Variants in DHX35 observed in about 807,000 individuals in gnomAD.
DHX35 encodes probable ATP-dependent RNA helicase DHX35.
DHX35 carries 84 observed loss-of-function variants against 99.6 expected under a neutral mutation model. The observed-to-expected ratio is 0.84, with a 90% CI of 0.71 to 1.01. The LOEUF is 1.01. Among genes scored for constraint, DHX35 ranks in the 50% least tolerant of loss-of-function variants. The probability of loss-of-function intolerance (pLI) is 0.00; values close to 1 mark genes in which losing one functional copy is unlikely to be tolerated. For synonymous variants in DHX35, 331 were observed against 316.2 expected (o/e 1.05, Z -0.50); for missense variants, 852 against 888.5 (o/e 0.96, Z 0.52).
rs565031268 is a variant in DHX35, at chr20:38,992,097, T to C, written c.513-259T>C. Among the ~76,000 whole-genome samples, 320 of 152,044 alleles carry C rather than the reference T, an allele frequency of 2.1e-3. 1 individual carries two copies. The highest frequency in any genetic ancestry group is 7.4e-3 in the African/African-American group (308 of 41,478). ...TTATGTTTTCATTTAAAATCAGATA[T>C]TAAATTCTGTTGGAATTCAGTGTGG... On this transcript the variant is annotated intron_variant, in intron 6 of 21. Transcript: ENST00000252011.
chr20:39,018,232 C>A (rs897020096), intron 14 of DHX35, among the ~76,000 whole-genome samples: 1 of 152,102 alleles, frequency 6.6e-6, no homozygotes, highest in African/African-American at 2.4e-5. Context: ...CACGGGATGC[C>A]ATCGATACCA....
intron 4 of DHX35, among the ~76,000 whole-genome samples, chr20:38,987,031 G>A (rs774588473): frequency 2.7e-4 from 41 of 152,186 alleles, no homozygotes; most frequent in Non-Finnish European, 5.3e-4. Context: ...TCTGTCTCAG[G>A]ACACCACATG....
intron 8 of DHX35, among the ~76,000 whole-genome samples, chr20:38,999,765 C>T (rs1437449998): frequency 5.3e-5 from 8 of 152,188 alleles, no homozygotes; most frequent in Admixed American, 2.0e-4. Context: ...CTCTTATTTC[C>T]TCTGCCCTCC....
intron 1 of DHX35, 75 bp from the exon 2 acceptor site, chr20:38,969,006 T>G (rs1469593281): frequency 2.1e-6 from 3 of 1,443,832 alleles, no homozygotes; most frequent in Non-Finnish European, 2.8e-6. Flanking sequence ...TCTTCATCTT[T>G]GAAAGTTTAT....
chr20:39,013,711 G>A (rs1318244696), intron 13 of DHX35, among the ~76,000 whole-genome samples: 1 of 152,180 alleles, frequency 6.6e-6, no homozygotes, highest in African/African-American at 2.4e-5. Context: ...ATCCCACAGG[G>A]TTTAAGCTCC....
intron 4 of DHX35, among the ~76,000 whole-genome samples, chr20:38,987,452 C>A (rs934642984): frequency 1.3e-5 from 2 of 152,172 alleles, no homozygotes; most frequent in African/African-American, 2.4e-5. Flanking sequence ...CCATGTCGGC[C>A]AGGCTGGTCT....
intron 1 of DHX35, among the ~76,000 whole-genome samples, chr20:38,967,158 T>C (rs2085923915): frequency 6.6e-6 from 1 of 152,194 alleles, no homozygotes. Flanking sequence ...TTTTATATTC[T>C]GGTAAATTCT....
intron 21 of DHX35, 118 bp downstream of exon 21, chr20:39,034,435 G>A: frequency 1.3e-6 from 1 of 789,320 alleles, no homozygotes; most frequent in Non-Finnish European, 2.1e-6. Flanking sequence ...GGTGCATAGG[G>A]TGGAAAGGCC....
At chr20:38,970,982 G>A (rs184951791) in intron 2 of DHX35, among the ~76,000 whole-genome samples, 2 of 152,216 alleles carry the variant, frequency 1.3e-5, no homozygotes, top group African/African-American at 2.4e-5. Context: ...AAGATGAATC[G>A]AGACAAAAAG....
chr20:39,039,168 G>T lies in DHX35; in HGVS notation c.*625G>T, dbSNP rs2145959542. The T allele has an allele frequency of 6.5e-6, 1 of 153,460 alleles. No individual in the cohort carries two copies. The highest frequency in any genetic ancestry group is 6.5e-5 in the Admixed American group (1 of 15,378). The allele number at this position is 153,460 out of a possible 1,614,324, so 9.5% of individuals were successfully genotyped here. On this transcript the variant is annotated 3_prime_UTR_variant, in exon 22 of 22. Transcript: ENST00000252011. ...GCAAGGGATTGGTGATTGACAGAGA[G>T]GACTCGTGCGCTGTTTTGTGTTAGC...
At chr20:39,010,186 T>G in intron 12 of DHX35, 94 bp from the exon 13 acceptor site, 2 of 1,561,144 alleles carry the variant, frequency 1.3e-6, no homozygotes, top group Non-Finnish European at 1.8e-6. Context: ...TAGAGACCCT[T>G]GTTCAAGATA....
intron 3 of DHX35, among the ~76,000 whole-genome samples, chr20:38,982,437 G>A (rs959134576): frequency 1.3e-5 from 2 of 152,126 alleles, no homozygotes; most frequent in African/African-American, 4.8e-5. Context: ...TTATTCATTT[G>A]TAGTATAGAA....
intron 5 of DHX35, 30 bp from the exon 6 acceptor site, chr20:38,991,424 T>C: frequency 6.2e-7 from 1 of 1,600,796 alleles, no homozygotes; most frequent in South Asian, 1.1e-5. Context: ...AAGTGAATTA[T>C]TTCTAAAGCT....
chr20:39,001,632 A>T, intron 8 of DHX35, 98 bp from the exon 9 acceptor site: 1 of 854,468 alleles, frequency 1.2e-6, no homozygotes, highest in East Asian at 2.5e-5. Context: ...CTTGCTACTC[A>T]CCTGTCTTTG....
intron 8 of DHX35, among the ~76,000 whole-genome samples, chr20:38,997,190 C>T (rs1002175345): frequency 6.6e-6 from 1 of 152,054 alleles, no homozygotes; most frequent in African/African-American, 2.4e-5. Flanking sequence ...CGTGCTTCAG[C>T]CTCCCAAGTA....
intron 8 of DHX35, among the ~76,000 whole-genome samples, chr20:38,995,585 C>T (rs1006073404): frequency 1.3e-5 from 2 of 152,068 alleles, no homozygotes; most frequent in Non-Finnish European, 2.9e-5. Flanking sequence ...TTTTCTGTGG[C>T]TAGGTTTACA....
At chr20:38,989,259 G>A (rs531805090) in intron 5 of DHX35, among the ~76,000 whole-genome samples, 133 of 144,626 alleles carry the variant, frequency 9.2e-4, no homozygotes, top group South Asian at 2.2e-3. Flanking sequence ...CACCACACCC[G>A]GCTAAGTTTT....
At chr20:39,010,572 C>T (rs970927038) in intron 13 of DHX35, among the ~76,000 whole-genome samples, 168 bp downstream of exon 13, 5 of 152,184 alleles carry the variant, frequency 3.3e-5, no homozygotes, top group African/African-American at 4.8e-5. Context: ...GGAAAACAGC[C>T]AGACAAGGTA....
intron 13 of DHX35, among the ~76,000 whole-genome samples, chr20:39,013,043 A>G (rs1271340932): frequency 6.6e-6 from 1 of 152,228 alleles, no homozygotes; most frequent in East Asian, 1.9e-4. Context: ...AAAAGCTTAC[A>G]TATGTGATAA....
Sources: gnomAD v4.1 joint callset for allele counts (sites outside exome capture counted in the v4.1 genomes callset) on GRCh38, gnomAD v4.1.1 for gene constraint, MANE v1.5 for transcripts, NCBI Gene and HGNC (gene_info 2026-07-23, HGNC 2026-07-21) for gene names.